Variants in CLSTN2 observed in about 807,000 individuals in gnomAD.
CLSTN2 encodes calsyntenin 2.
In CLSTN2, 48 loss-of-function variants were observed where a neutral mutation model predicts 101.2. The observed-to-expected ratio is 0.47, with a 90% confidence interval of 0.38 to 0.60. The LOEUF (loss-of-function observed/expected upper bound fraction) is 0.60, where lower values mean the gene tolerates loss of function less well. Among genes scored for constraint, CLSTN2 ranks in the 20% least tolerant of loss-of-function variants. The pLI, the probability that CLSTN2 is intolerant of heterozygous loss-of-function variation, is 0.00. For synonymous variants in CLSTN2, 481 were observed against 463.6 expected, an observed-to-expected ratio of 1.04 and a Z score of -0.48; for missense variants, 1,160 against 1,238.2, an observed-to-expected ratio of 0.94 and a Z score of 0.95.
chr3:139,972,141 G>A (rs1935716836), intron 1 of CLSTN2, among the ~76,000 whole-genome samples: 1 of 152,132 alleles, frequency 6.6e-6, no homozygotes. Context: ...GCAGGCGCCT[G>A]TAGTCCCAGC....
At chr3:140,505,186 A>T (rs1001557234) in intron 8 of CLSTN2, among the ~76,000 whole-genome samples, 18 of 152,146 alleles carry the variant, frequency 1.2e-4, no homozygotes, top group African/African-American at 4.1e-4. Context: ...CAAGGGGAGC[A>T]GGTGGTCCAG....
intron 2 of CLSTN2, among the ~76,000 whole-genome samples, chr3:140,201,210 C>T (rs1359005149): frequency 2.0e-5 from 3 of 152,178 alleles, no homozygotes; most frequent in African/African-American, 7.2e-5. Flanking sequence ...GTCCGTTCAA[C>T]TGGGGACATC....
intron 8 of CLSTN2, among the ~76,000 whole-genome samples, chr3:140,492,242 G>T (rs1934367699): frequency 6.6e-6 from 1 of 152,192 alleles, no homozygotes; most frequent in South Asian, 2.1e-4. Flanking sequence ...GTATAAATTG[G>T]TACAGCCTCT....
intron 1 of CLSTN2, among the ~76,000 whole-genome samples, chr3:139,963,087 T>C (rs1420458066): frequency 6.6e-6 from 1 of 152,168 alleles, no homozygotes; most frequent in Admixed American, 6.6e-5. Flanking sequence ...TCATAAAAGA[T>C]GAGAATGAGG....
intron 8 of CLSTN2, 42 bp downstream of exon 8, chr3:140,466,773 C>G (rs1035739034): frequency 2.5e-6 from 4 of 1,611,446 alleles, no homozygotes; most frequent in East Asian, 2.2e-5. Context: ...CATGCCTCTG[C>G]GGGGGTGGCC....
At chr3:140,482,472 G>T (rs774081334) in intron 8 of CLSTN2, among the ~76,000 whole-genome samples, 4 of 152,318 alleles carry the variant, frequency 2.6e-5, no homozygotes, top group Non-Finnish European at 4.4e-5. Flanking sequence ...ATGAGTTAGG[G>T]AGGATTCCCT....
At chr3:140,384,786 A>G (rs1256609086) in intron 2 of CLSTN2, among the ~76,000 whole-genome samples, 2 of 152,230 alleles carry the variant, frequency 1.3e-5, no homozygotes, top group Admixed American at 6.5e-5. Flanking sequence ...TTCAGCTCAA[A>G]ATATGGATTT....
intron 1 of CLSTN2, among the ~76,000 whole-genome samples, chr3:140,016,098 C>A (rs763973188): frequency 6.6e-6 from 1 of 152,172 alleles, no homozygotes; most frequent in African/African-American, 2.4e-5. Context: ...ATGGACAGGC[C>A]TCCCTAGACA....
intron 4 of CLSTN2, among the ~76,000 whole-genome samples, chr3:140,415,486 C>CAAAAAAAAAAAAAAAAAAAAAA (rs751616049): frequency 2.8e-4 from 16 of 56,868 alleles, no homozygotes; most frequent in African/African-American, 9.2e-4. Context: ...CACAAAATAG[C>CAAAAAAAAAAAAAAAAAAAAAA]AAAAAAAAAA....
At chr3:139,969,496 G>C (rs751728214) in intron 1 of CLSTN2, among the ~76,000 whole-genome samples, 3 of 152,148 alleles carry the variant, frequency 2.0e-5, no homozygotes, top group Non-Finnish European at 4.4e-5. Context: ...GCCAGTTGGA[G>C]AGTCTTCAGG....
intron 2 of CLSTN2, among the ~76,000 whole-genome samples, chr3:140,284,497 G>A (rs75576116): frequency 0.018 from 2,739 of 152,106 alleles, 77 homozygotes; most frequent in African/African-American, 0.063. Context: ...TTCACAAACC[G>A]CAGGGGGTTG....
chr3:140,446,820 G>C (rs537071445), intron 5 of CLSTN2, among the ~76,000 whole-genome samples: 1 of 152,174 alleles, frequency 6.6e-6, no homozygotes, highest in Non-Finnish European at 1.5e-5. Flanking sequence ...AGCTAAAGGA[G>C]CCCCTCTCTA....
chr3:140,412,109 G>A (rs562940036), intron 4 of CLSTN2, among the ~76,000 whole-genome samples: 22 of 152,258 alleles, frequency 1.4e-4, no homozygotes, highest in African/African-American at 4.8e-4. Flanking sequence ...TCTGCCTCCC[G>A]GGTTCAAGTG....
chr3:140,078,590 A>C (rs6794087), intron 1 of CLSTN2, among the ~76,000 whole-genome samples: 3,590 of 152,288 alleles, frequency 0.024, 128 homozygotes, highest in African/African-American at 0.08. Context: ...TTATGCTGAC[A>C]CACAAAAGAG....
At chr3:140,248,280 T>C (rs1243267942) in intron 2 of CLSTN2, among the ~76,000 whole-genome samples, 1 of 152,182 alleles carries the variant, frequency 6.6e-6, no homozygotes, top group East Asian at 1.9e-4. Flanking sequence ...CCATACTGCT[T>C]AGGGACCCCA....
intron 8 of CLSTN2, among the ~76,000 whole-genome samples, chr3:140,515,268 C>G (rs1044449905): frequency 6.9e-6 from 1 of 145,680 alleles, no homozygotes; most frequent in Admixed American, 6.6e-5. Flanking sequence ...CTTGGTTAAT[C>G]TTACTAATTG....
At position 140,180,360 on chromosome 3, in the gene CLSTN2, G is replaced by A. The variant is rs1341237379; in HGVS notation, c.232+4287G>A. 3.9e-5 allele frequency among the ~76,000 whole-genome samples: 6 copies of A among 152,176 alleles called. No homozygotes were observed. The South Asian group carries it at 1.2e-3, about 32-fold the overall frequency. ...CTCTGCCCTACCTGATTAGTAAAGT[G>A]CTGATGCTCAGTCAGTGAAACCTCC... is the stretch of plus-strand genomic sequence containing the variant. On this transcript the variant is annotated intron_variant, in intron 2 of 16. Transcript: ENST00000458420.
At chr3:140,142,700 G>C (rs575071416) in intron 1 of CLSTN2, among the ~76,000 whole-genome samples, 3 of 152,320 alleles carry the variant, frequency 2.0e-5, no homozygotes, top group Admixed American at 6.5e-5. Context: ...AGTCGGTGCT[G>C]TTGGGTCCTT....
At chr3:140,539,805 T>C (rs960666717) in intron 9 of CLSTN2, among the ~76,000 whole-genome samples, 9 of 152,206 alleles carry the variant, frequency 5.9e-5, no homozygotes, top group Non-Finnish European at 1.2e-4. Context: ...CTGCGAGTCA[T>C]GTAGAGCTGG....
Sources: allele counts gnomAD v4.1 joint callset (sites outside exome capture counted in the v4.1 genomes callset), GRCh38; gene constraint gnomAD v4.1.1; transcripts MANE v1.5; gene names NCBI Gene and HGNC (gene_info 2026-07-23, HGNC 2026-07-21).